Variants in METTL15 observed in about 807,000 individuals in gnomAD.
The protein encoded by METTL15 is 12S rRNA N(4)-cytidine methyltransferase METTL15.
METTL15 carries 34 observed loss-of-function variants against 38.3 expected under a neutral mutation model. The ratio of observed to expected loss-of-function variants is 0.89; its 90% CI spans 0.68 to 1.18. The LOEUF (loss-of-function observed/expected upper bound fraction) is 1.18, where lower values mean the gene tolerates loss of function less well. Among genes scored for constraint, METTL15 ranks in the 50% most tolerant of loss-of-function variants. METTL15 has a pLI of 0.00. For synonymous variants in METTL15, 162 were observed against 170.9 expected (o/e 0.95, Z 0.41); for missense variants, 438 against 498.4 (o/e 0.88, Z 1.15).
chr11:28,476,616 T>G (rs1345083471), intron 6 of METTL15, among the ~76,000 whole-genome samples: 1 of 152,186 alleles, frequency 6.6e-6, no homozygotes, highest in Non-Finnish European at 1.5e-5. Context: ...CCTCGTTCTT[T>G]CCTAAGAGAA....
At chr11:28,399,482 G>T (rs1850608690) in intron 5 of METTL15, among the ~76,000 whole-genome samples, 1 of 151,866 alleles carries the variant, frequency 6.6e-6, no homozygotes, top group Non-Finnish European at 1.5e-5. Context: ...TTTGCATAAG[G>T]TGTGATCATA....
At chr11:28,322,588 G>A (rs1410281061) in intron 6 of METTL15, among the ~76,000 whole-genome samples, 3 of 152,088 alleles carry the variant, frequency 2.0e-5, no homozygotes. Context: ...TCTATTTAGA[G>A]AGTATATTTA....
At chr11:28,200,586 T>C (rs1042476753) in intron 3 of METTL15, among the ~76,000 whole-genome samples, 3 of 152,180 alleles carry the variant, frequency 2.0e-5, no homozygotes, top group African/African-American at 7.2e-5. Context: ...ACCAGCGGTC[T>C]AATATTGTGA....
chr11:28,353,496 CAA>C (rs1286661962), intron 4 of METTL15, among the ~76,000 whole-genome samples: 1 of 152,094 alleles, frequency 6.6e-6, no homozygotes, highest in Non-Finnish European at 1.5e-5. Flanking sequence ...AGTGTCAAAA[CAA>C]GAGTGCCTAC....
intron 4 of METTL15, among the ~76,000 whole-genome samples, chr11:28,228,955 G>GA (rs1853585831): frequency 6.6e-6 from 1 of 151,782 alleles, no homozygotes; most frequent in African/African-American, 2.4e-5. Context: ...TTAGATTTTA[G>GA]AATCAAACAG....
intron 4 of METTL15, among the ~76,000 whole-genome samples, chr11:28,220,229 A>G (rs1443504147): frequency 2.0e-5 from 3 of 152,156 alleles, no homozygotes; most frequent in East Asian, 3.9e-4. Context: ...GACTTGCTTT[A>G]TGAATCTGGG....
intron 5 of METTL15, among the ~76,000 whole-genome samples, chr11:28,381,660 T>C (rs1590353530): frequency 6.6e-6 from 1 of 152,290 alleles, no homozygotes; most frequent in East Asian, 1.9e-4. Flanking sequence ...CTAATGAATG[T>C]TTAAGTTCAG....
intron 6 of METTL15, among the ~76,000 whole-genome samples, chr11:28,437,434 A>G (rs1206991902): frequency 3.9e-5 from 6 of 152,358 alleles, no homozygotes; most frequent in East Asian, 1.9e-4. Context: ...ACATATAGGG[A>G]TGCAACATGG....
intron 3 of METTL15, among the ~76,000 whole-genome samples, chr11:28,146,158 G>A (rs550883615): frequency 1.3e-5 from 2 of 151,844 alleles, no homozygotes; most frequent in Non-Finnish European, 2.9e-5. Flanking sequence ...AGCTATTTCT[G>A]ACTGTTAAAA....
At chr11:28,418,328 G>C (rs759434081) in intron 5 of METTL15, among the ~76,000 whole-genome samples, 11 of 152,314 alleles carry the variant, frequency 7.2e-5, no homozygotes, top group South Asian at 6.2e-4. Flanking sequence ...TAGCACCTTT[G>C]CCTGATCAGT....
At chr11:28,435,903 G>A (rs1230079210) in intron 6 of METTL15, among the ~76,000 whole-genome samples, 3 of 152,146 alleles carry the variant, frequency 2.0e-5, no homozygotes, top group African/African-American at 4.8e-5. Flanking sequence ...GAGTTATATT[G>A]CTCCCTTGAG....
intron 6 of METTL15, among the ~76,000 whole-genome samples, chr11:28,511,424 C>T (rs999748747): frequency 2.0e-5 from 3 of 152,120 alleles, no homozygotes; most frequent in Admixed American, 6.5e-5. Flanking sequence ...CTATTGTGTT[C>T]GGAATTGGTG....
chr11:28,176,803 TG>T (rs2133774356), intron 3 of METTL15, among the ~76,000 whole-genome samples: 1 of 152,186 alleles, frequency 6.6e-6, no homozygotes, highest in African/African-American at 2.4e-5. Context: ...GATATTACTG[TG>T]TATGGTTTTT....
chr11:28,209,958 A>G (rs563501721), intron 3 of METTL15, among the ~76,000 whole-genome samples: 1 of 152,000 alleles, frequency 6.6e-6, no homozygotes, highest in African/African-American at 2.4e-5. Context: ...TTTTATTTTC[A>G]TAACACCAAT....
intron 3 of METTL15, among the ~76,000 whole-genome samples, chr11:28,148,774 G>A (rs1351971067): frequency 6.6e-6 from 1 of 151,834 alleles, no homozygotes; most frequent in African/African-American, 2.4e-5. Context: ...CTTACCTATT[G>A]TATTTGTAGT....
chr11:28,236,829 T>A (rs1487457333), intron 4 of METTL15, among the ~76,000 whole-genome samples: 1 of 152,202 alleles, frequency 6.6e-6, no homozygotes, highest in Non-Finnish European at 1.5e-5. Context: ...TTTGCTTGTC[T>A]GTATAGTATT....
chr11:28,218,614 A>G (rs1293919196), intron 4 of METTL15, among the ~76,000 whole-genome samples: 1 of 152,152 alleles, frequency 6.6e-6, no homozygotes, highest in Non-Finnish European at 1.5e-5. Flanking sequence ...GAGTAGTGAG[A>G]GAGGGCGTCC....
intron 6 of METTL15, among the ~76,000 whole-genome samples, chr11:28,457,730 G>A (rs867482493): frequency 1.1e-4 from 16 of 152,328 alleles, no homozygotes; most frequent in Middle Eastern, 6.8e-3. Context: ...CTTAGGTGCT[G>A]TAAGGAGGAG....
intron 4 of METTL15, among the ~76,000 whole-genome samples, chr11:28,361,744 A>G (rs987184968): frequency 1.3e-5 from 2 of 152,116 alleles, no homozygotes; most frequent in African/African-American, 4.8e-5. Context: ...AAAACTACCA[A>G]ACCATTCATG....
Sources: gnomAD v4.1 joint callset for allele counts (sites outside exome capture counted in the v4.1 genomes callset) on GRCh38, gnomAD v4.1.1 for gene constraint, MANE v1.5 for transcripts, NCBI Gene and HGNC (gene_info 2026-07-23, HGNC 2026-07-21) for gene names.